The following XKR9 variants were observed in gnomAD, a reference collection of about 807,000 sequenced individuals.
XKR9 encodes XK related 9.
In XKR9, 32 loss-of-function variants were observed where a neutral mutation model predicts 32.0. The observed-to-expected ratio is 1.00, with a 90% CI of 0.76 to 1.34. The LOEUF is 1.34. Ranked by LOEUF, XKR9 falls within the 40% of genes most tolerant of loss-of-function variation. The probability of loss-of-function intolerance (pLI) is 0.00; values close to 1 mark genes in which losing one functional copy is unlikely to be tolerated. For synonymous variants in XKR9, 168 were observed against 143.4 expected (o/e 1.17, Z -1.22); for missense variants, 546 against 429.7 (o/e 1.27, Z -2.39).
chr8:70,813,427 C>G, the XKR9 span, among the ~76,000 whole-genome samples: 90 of 152,186 alleles, frequency 5.9e-4, 1 homozygote, highest in Non-Finnish European at 4.1e-4. Context: ...CAACAAAAAC[C>G]AAAATTGACA....
chr8:70,940,933 C>T, the XKR9 span, among the ~76,000 whole-genome samples: 1 of 152,002 alleles, frequency 6.6e-6, no homozygotes, highest in Admixed American at 6.6e-5. Context: ...CACCTTGGGC[C>T]ATAAGAACTA....
chr8:70,738,713 T>C (rs1251289509), downstream of XKR9, among the ~76,000 whole-genome samples: 1 of 152,180 alleles, frequency 6.6e-6, no homozygotes, highest in East Asian at 1.9e-4. Context: ...ATTTCTGCCT[T>C]CATTTCGTTA....
chr8:70,889,900 T>C, the XKR9 span, among the ~76,000 whole-genome samples: 1 of 152,086 alleles, frequency 6.6e-6, no homozygotes, highest in East Asian at 1.9e-4. Context: ...TGTGTCTTTT[T>C]GGTAGAATAA....
the XKR9 span, among the ~76,000 whole-genome samples, chr8:70,845,266 T>C: frequency 3.0e-3 from 463 of 152,294 alleles, 3 homozygotes; most frequent in African/African-American, 0.011. Context: ...ACCAACACTA[T>C]AGTTAAATCT....
intron 2 of XKR9, among the ~76,000 whole-genome samples, chr8:70,763,332 T>G (rs1271307221): frequency 1.3e-5 from 2 of 152,164 alleles, no homozygotes; most frequent in East Asian, 3.9e-4. Context: ...GTGGACTCTT[T>G]TGGCCTTTGT....
chr8:70,836,527 TCTGA>T, the XKR9 span, among the ~76,000 whole-genome samples: 3 of 152,052 alleles, frequency 2.0e-5, no homozygotes, highest in South Asian at 6.2e-4. Flanking sequence ...TCCTTATATT[TCTGA>T]CTATTATTTC....
the XKR9 span, among the ~76,000 whole-genome samples, chr8:70,942,284 C>T: frequency 4.6e-5 from 7 of 152,084 alleles, no homozygotes; most frequent in East Asian, 3.9e-4. Flanking sequence ...AGTTAAAAAG[C>T]GATCTTAGTT....
At chr8:70,813,842 G>C in the XKR9 span, among the ~76,000 whole-genome samples, 5 of 152,204 alleles carry the variant, frequency 3.3e-5, no homozygotes, top group Non-Finnish European at 5.9e-5. Flanking sequence ...TACACTGTTG[G>C]TGGGTTTGTA....
At chr8:71,050,721 G>A in the XKR9 span, among the ~76,000 whole-genome samples, 4 of 152,144 alleles carry the variant, frequency 2.6e-5, no homozygotes, top group Non-Finnish European at 5.9e-5. Flanking sequence ...CATGGGGGAA[G>A]TTATGCATGG....
the XKR9 span, among the ~76,000 whole-genome samples, chr8:70,999,146 ATATTAG>A: frequency 6.6e-6 from 1 of 152,206 alleles, no homozygotes; most frequent in Non-Finnish European, 1.5e-5. Flanking sequence ...GAATATTAAT[ATATTAG>A]TATAATTCTG....
At chr8:70,757,531 T>G (rs1807244237) in intron 2 of XKR9, among the ~76,000 whole-genome samples, 1 of 151,704 alleles carries the variant, frequency 6.6e-6, no homozygotes, top group Non-Finnish European at 1.5e-5. Context: ...CAATATATCT[T>G]TCTTTACTTC....
intron 3 of XKR9, among the ~76,000 whole-genome samples, chr8:70,698,139 C>A (rs1805361143): frequency 1.3e-5 from 2 of 152,216 alleles, no homozygotes; most frequent in Admixed American, 6.5e-5. Context: ...AAACCAGCTC[C>A]TGGATTCATT....
chr8:70,755,898 CTTAAAG>C (rs1408055429), intron 2 of XKR9, among the ~76,000 whole-genome samples: 2 of 126,170 alleles, frequency 1.6e-5, no homozygotes, highest in Non-Finnish European at 3.8e-5. Context: ...TACCCTAAAA[CTTAAAG>C]TATAATAATA....
chr8:70,753,228 CT>C (rs1309170011), intron 2 of XKR9, among the ~76,000 whole-genome samples: 1 of 152,154 alleles, frequency 6.6e-6, no homozygotes, highest in Non-Finnish European at 1.5e-5. Flanking sequence ...GAAGTTGAAT[CT>C]CTGAATAGAC....
the XKR9 span, among the ~76,000 whole-genome samples, chr8:71,043,422 T>C: frequency 6.6e-6 from 1 of 152,196 alleles, no homozygotes; most frequent in Non-Finnish European, 1.5e-5. Flanking sequence ...TGAAAGAATG[T>C]TGTAAAACAT....
chr8:71,045,268 T>C, the XKR9 span, among the ~76,000 whole-genome samples: 1 of 152,194 alleles, frequency 6.6e-6, no homozygotes, highest in East Asian at 1.9e-4. Flanking sequence ...GCAAAGCTTG[T>C]CACGTGCTTG....
In XKR9 at chr8:70,743,580, T is replaced by C. The variant is rs117735945; in HGVS notation, n.352+36427T>C. 2.0e-5 allele frequency among the ~76,000 whole-genome samples: 3 copies of C among 152,340 alleles called. 1 individual carries two copies. The highest frequency in any genetic ancestry group is 4.4e-5 in the Non-Finnish European group (3 of 68,026). On this transcript the variant is annotated intron_variant and non_coding_transcript_variant, in intron 2 of 3. Coordinates refer to the XKR9 transcript ENST00000520273. ...AACTTGAACTTTAAACTCTGAACTC[T>C]AAACAATCTTTATTTAACCTTCAGT...
At chr8:70,843,758 T>C in the XKR9 span, among the ~76,000 whole-genome samples, 3 of 152,160 alleles carry the variant, frequency 2.0e-5, no homozygotes, top group Non-Finnish European at 2.9e-5. Context: ...AATGGCATAG[T>C]GACCTGCCTA....
the XKR9 span, among the ~76,000 whole-genome samples, chr8:70,882,350 A>C: frequency 1.6e-4 from 24 of 151,818 alleles, no homozygotes; most frequent in East Asian, 1.7e-3. Context: ...AAAAATGCAG[A>C]AGGGCACAAA....
Sources: allele counts gnomAD v4.1 joint callset (sites outside exome capture counted in the v4.1 genomes callset), GRCh38; gene constraint gnomAD v4.1.1; transcripts MANE v1.5; gene names NCBI Gene and HGNC (gene_info 2026-07-23, HGNC 2026-07-21).